Variants in TNFSF4 observed in about 807,000 individuals in gnomAD.
TNFSF4 encodes tumor necrosis factor ligand superfamily member 4.
A neutral mutation model predicts 7.3 loss-of-function variants in TNFSF4; 4 were observed. The observed-to-expected ratio is 0.55, with a 90% CI of 0.27 to 1.25. The LOEUF (loss-of-function observed/expected upper bound fraction) is 1.25, where lower values mean the gene tolerates loss of function less well. Ranked by LOEUF, TNFSF4 falls within the 50% of genes most tolerant of loss-of-function variation. The pLI is 0.12. For synonymous variants in TNFSF4, 76 were observed against 83.7 expected (o/e 0.91, Z 0.50); for missense variants, 181 against 208.8 (o/e 0.87, Z 0.82).
chr1:173,292,181 GA>G, the TNFSF4 span, among the ~76,000 whole-genome samples: 1 of 151,090 alleles, frequency 6.6e-6, no homozygotes, highest in Non-Finnish European at 1.5e-5. Context: ...GAAACACAAG[GA>G]AAAAAAACTT....
chr1:173,222,270 A>C, the TNFSF4 span, among the ~76,000 whole-genome samples: 9 of 152,216 alleles, frequency 5.9e-5, no homozygotes, highest in Non-Finnish European at 1.3e-4. Context: ...GAAACCTAAA[A>C]TAAAGCCTGA....
At chr1:173,211,145 A>G (rs1571209331), upstream of TNFSF4, among the ~76,000 whole-genome samples, 1 of 152,224 alleles carries the variant, frequency 6.6e-6, no homozygotes, top group African/African-American at 2.4e-5. Context: ...CTCTTCATTC[A>G]CCAGACATTC....
At chr1:173,398,705 C>T in the TNFSF4 span, among the ~76,000 whole-genome samples, 203 of 152,214 alleles carry the variant, frequency 1.3e-3, no homozygotes, top group Non-Finnish European at 2.2e-3. Context: ...GGATTACAGG[C>T]ATGAGCCACC....
chr1:173,194,268 T>A (rs1219134513), intron 1 of TNFSF4, among the ~76,000 whole-genome samples: 1 of 152,242 alleles, frequency 6.6e-6, no homozygotes, highest in African/African-American at 2.4e-5. Context: ...CATCAGCAAT[T>A]ATTGAGTACT....
At chr1:173,285,449 G>A in the TNFSF4 span, among the ~76,000 whole-genome samples, 1 of 152,156 alleles carries the variant, frequency 6.6e-6, no homozygotes, top group Non-Finnish European at 1.5e-5. Context: ...ACAGCAGCAA[G>A]GTTTGAGAGG....
the TNFSF4 span, among the ~76,000 whole-genome samples, chr1:173,325,744 G>A: frequency 5.9e-5 from 9 of 152,172 alleles, no homozygotes; most frequent in African/African-American, 1.4e-4. Context: ...ATGCCTCTAC[G>A]CAAAGAAACT....
chr1:173,410,031 A>AG, the TNFSF4 span, among the ~76,000 whole-genome samples: 1 of 152,212 alleles, frequency 6.6e-6, no homozygotes, highest in Non-Finnish European at 1.5e-5. Context: ...TTGGAAGGCC[A>AG]GGGTGGATGG....
chr1:173,413,674 G>A, the TNFSF4 span, among the ~76,000 whole-genome samples: 2 of 152,262 alleles, frequency 1.3e-5, no homozygotes, highest in African/African-American at 4.8e-5. Flanking sequence ...CAGTCCTCAC[G>A]CCCCATTCTA....
At chr1:173,253,389 C>G in the TNFSF4 span, among the ~76,000 whole-genome samples, 4 of 152,186 alleles carry the variant, frequency 2.6e-5, no homozygotes, top group African/African-American at 9.7e-5. Context: ...CCATAGTAGA[C>G]CAGTGACTCT....
At chr1:173,178,366 G>A in the TNFSF4 span, among the ~76,000 whole-genome samples, 2 of 152,140 alleles carry the variant, frequency 1.3e-5, no homozygotes, top group East Asian at 3.9e-4. Flanking sequence ...ACGAGGTTAG[G>A]AGATCCAGGC....
the TNFSF4 span, among the ~76,000 whole-genome samples, chr1:173,336,992 T>G: frequency 6.6e-6 from 1 of 152,086 alleles, no homozygotes; most frequent in South Asian, 2.1e-4. Context: ...AAAAAGCTGC[T>G]AGTTTTGAGT....
chr1:173,367,800 C>G, the TNFSF4 span, among the ~76,000 whole-genome samples: 3 of 152,116 alleles, frequency 2.0e-5, no homozygotes, highest in Non-Finnish European at 1.5e-5. Flanking sequence ...TGGAATAAAA[C>G]CCTAATGTGG....
chr1:173,323,052 A>G, the TNFSF4 span, among the ~76,000 whole-genome samples: 10 of 152,176 alleles, frequency 6.6e-5, no homozygotes, highest in African/African-American at 2.2e-4. Flanking sequence ...TTCTCCCAGC[A>G]TGCAGCTTGA....
chr1:173,281,172 A>C, the TNFSF4 span, among the ~76,000 whole-genome samples: 1 of 152,138 alleles, frequency 6.6e-6, no homozygotes, highest in Non-Finnish European at 1.5e-5. Context: ...CGTCTCACAC[A>C]AAGTTCGTTG....
the TNFSF4 span, among the ~76,000 whole-genome samples, chr1:173,326,471 C>G: frequency 1.3e-5 from 2 of 152,142 alleles, no homozygotes; most frequent in Non-Finnish European, 2.9e-5. Context: ...CAGGGATGCC[C>G]TCTCTCACCA....
the TNFSF4 span, among the ~76,000 whole-genome samples, chr1:173,407,559 CAA>C: frequency 2.2e-3 from 158 of 72,018 alleles, no homozygotes; most frequent in South Asian, 6.9e-3. Flanking sequence ...GACTCTGCCT[CAA>C]AAAAAAAAAA....
the TNFSF4 span, among the ~76,000 whole-genome samples, chr1:173,281,162 C>G: frequency 6.6e-6 from 1 of 151,514 alleles, no homozygotes; most frequent in Admixed American, 6.6e-5. Flanking sequence ...GTGGGAGGCA[C>G]GTCTCACACA....
At chr1:173,275,218 G>T in the TNFSF4 span, among the ~76,000 whole-genome samples, 1 of 152,064 alleles carries the variant, frequency 6.6e-6, no homozygotes, top group South Asian at 2.1e-4. Flanking sequence ...GAACAGGCCT[G>T]GGCAGATCCT....
chr1:173,309,317 A>G, the TNFSF4 span, among the ~76,000 whole-genome samples: 2 of 151,882 alleles, frequency 1.3e-5, no homozygotes, highest in Admixed American at 1.3e-4. Flanking sequence ...AAACTGTAAC[A>G]TTTCACTATT....
Sources: gnomAD v4.1 joint callset for allele counts (sites outside exome capture counted in the v4.1 genomes callset) on GRCh38, gnomAD v4.1.1 for gene constraint, MANE v1.5 for transcripts, NCBI Gene and HGNC (gene_info 2026-07-23, HGNC 2026-07-21) for gene names.